TBC1D2: variants seen among roughly 807,000 people sequenced by gnomAD.
TBC1D2 encodes the protein TBC1 domain family member 2.
A neutral mutation model predicts 91.1 loss-of-function variants in TBC1D2; 58 were observed. The ratio of observed to expected loss-of-function variants is 0.64; its 90% CI spans 0.52 to 0.79. The LOEUF (loss-of-function observed/expected upper bound fraction) is 0.79. TBC1D2 is among the 30% of genes least tolerant of loss of function. The probability of loss-of-function intolerance (pLI) is 0.00; values close to 1 mark genes in which losing one functional copy is unlikely to be tolerated. For missense variants in TBC1D2, 1,080 were observed against 1,208.3 expected (o/e 0.89, Z 1.57); for synonymous variants, 482 against 511.5 (o/e 0.94, Z 0.78).
intron 4 of TBC1D2, among the ~76,000 whole-genome samples, chr9:98,231,351 A>C (rs1441108121): frequency 1.4e-5 from 1 of 73,842 alleles, no homozygotes; most frequent in Non-Finnish European, 2.7e-5. Flanking sequence ...GGTGTTTTTT[A>C]TTAGTGTTCA....
At chr9:98,244,547 T>C (rs1829721705) in intron 2 of TBC1D2, among the ~76,000 whole-genome samples, 1 of 150,910 alleles carries the variant, frequency 6.6e-6, no homozygotes, top group Admixed American at 6.7e-5. Context: ...CAATCCCAGC[T>C]ACTCAGGAGG....
intron 3 of TBC1D2, among the ~76,000 whole-genome samples, chr9:98,243,705 T>C (rs1352831692): frequency 6.6e-6 from 1 of 152,030 alleles, no homozygotes; most frequent in Non-Finnish European, 1.5e-5. Context: ...CCCGGCTAAT[T>C]ACTGTATTTT....
chr9:98,241,947 T>C lies in TBC1D2; in HGVS notation c.647+2047A>G, dbSNP rs535301347. Among the ~76,000 whole-genome samples the C allele has an allele frequency of 2.0e-5, 3 of 152,236 alleles. No individual in the cohort carries two copies. In the East Asian group the frequency reaches 5.8e-4, roughly 29 times the overall value. ...GCCAGCAGACCCCAAAGAACACTCA[T>C]TGTCTTTTCCCTAAAACCTGATTCT... On this transcript the variant is annotated intron_variant, in intron 3 of 12. Coordinates refer to ENST00000465784, the MANE Select transcript of TBC1D2 (RefSeq NM_001267571.2).
At position 98,247,724 on chromosome 9, in the gene TBC1D2, G is replaced by A. The variant is rs952930550; in HGVS notation, c.512-3595C>T. 8.3e-4 allele frequency among the ~76,000 whole-genome samples: 66 copies of A among 79,056 alleles called. 1 individual carries two copies. In the East Asian group the frequency reaches 0.013, roughly 15 times the overall value. The allele number at this position is 79,056 out of a possible 152,430, so 51.9% of individuals were successfully genotyped here. ...AGCCTGGGTGACAGAGCGAGACTCC[G>A]TCTCAAAAAAAAAAAAAAAAAAAAA... On this transcript the variant is annotated intron_variant, in intron 2 of 12. Coordinates refer to ENST00000465784, the MANE Select transcript of TBC1D2 (RefSeq NM_001267571.2).
intron 2 of TBC1D2, among the ~76,000 whole-genome samples, chr9:98,245,362 G>C (rs1041592456): frequency 2.0e-5 from 3 of 152,064 alleles, no homozygotes; most frequent in Non-Finnish European, 4.4e-5. Context: ...TGAGCTGAAA[G>C]TTTGAGACCA....
At chr9:98,239,121 T>C (rs1019593272) in intron 3 of TBC1D2, among the ~76,000 whole-genome samples, 3 of 152,154 alleles carry the variant, frequency 2.0e-5, no homozygotes, top group Non-Finnish European at 2.9e-5. Flanking sequence ...TGTGGTGGCA[T>C]GCTCATAGCT....
At chr9:98,231,136 A>G (rs1376445528) in intron 4 of TBC1D2, among the ~76,000 whole-genome samples, 1 of 152,160 alleles carries the variant, frequency 6.6e-6, no homozygotes, top group Non-Finnish European at 1.5e-5. Context: ...CCAGTTTATA[A>G]TTAGAGAAAA....
chr9:98,208,815 C>T lies in TBC1D2; in HGVS notation c.2003G>A (p.Arg668His), dbSNP rs141969107. 2.9e-4 allele frequency: 461 copies of T among 1,603,278 alleles called. 1 individual carries two copies. The African/African-American group carries it at 5.3e-3, about 18-fold the overall frequency. Residue 668 changes from arginine to histidine, a missense_variant, in exon 9 of 13, where the codon CGC (arginine) becomes CAC (histidine). Physicochemically the swap from Arg to His is conservative, Grantham distance 29. Transcript: ENST00000465784. ...CCGGTTCAGGTCCAGCTCAATCTGGCGGGCAGCAGGGTGCTCGCGGGCCTG... is the reference window on the plus strand; with the variant it reads ...CCGGTTCAGGTCCAGCTCAATCTGGTGGGCAGCAGGGTGCTCGCGGGCCTG... Reference protein sequence around the residue: ...RGQAREHPAARQIELDLNRTF... With the variant: ...RGQAREHPAAHQIELDLNRTF...
chr9:98,220,440 G>C (rs1329142546), intron 6 of TBC1D2, among the ~76,000 whole-genome samples: 1 of 152,200 alleles, frequency 6.6e-6, no homozygotes, highest in African/African-American at 2.4e-5. Flanking sequence ...AGGACTGTGG[G>C]GGGAGGGTCG....
intron 8 of TBC1D2, among the ~76,000 whole-genome samples, chr9:98,209,743 TTTCC>T (rs1354591267): frequency 3.3e-5 from 4 of 120,292 alleles, no homozygotes; most frequent in Non-Finnish European, 5.4e-5. Context: ...CCTTCTTTCC[TTTCC>T]TTCCTTCCTT....
At chr9:98,251,068 C>T (rs762625567) in intron 2 of TBC1D2, among the ~76,000 whole-genome samples, 12 of 152,112 alleles carry the variant, frequency 7.9e-5, no homozygotes, top group Admixed American at 2.6e-4. Context: ...GGGTAGATCA[C>T]GAGGTCAGGA....
intron 6 of TBC1D2, 186 bp from the exon 7 acceptor site, chr9:98,213,404 A>C (rs1828898270): frequency 7.1e-7 from 1 of 1,408,370 alleles, no homozygotes; most frequent in Non-Finnish European, 9.2e-7. Flanking sequence ...TGATGTCAGC[A>C]TGATGTGGTA....
chr9:98,226,437 C>T (rs1178896356), intron 5 of TBC1D2, among the ~76,000 whole-genome samples: 2 of 152,166 alleles, frequency 1.3e-5, no homozygotes, highest in Non-Finnish European at 2.9e-5. Flanking sequence ...CTGCTGGGTG[C>T]CAGGTACTGG....
chr9:98,223,511 G>A (rs1364603013), intron 5 of TBC1D2, among the ~76,000 whole-genome samples: 1 of 152,230 alleles, frequency 6.6e-6, no homozygotes, highest in Non-Finnish European at 1.5e-5. Flanking sequence ...TGGGGGCCTA[G>A]GCCATTTTCT....
At chr9:98,216,396 A>T (rs890709158) in intron 6 of TBC1D2, among the ~76,000 whole-genome samples, 3 of 151,714 alleles carry the variant, frequency 2.0e-5, no homozygotes, top group African/African-American at 7.3e-5. Flanking sequence ...GGAGGAAAGG[A>T]CCTACCATGA....
chr9:98,206,779 C>T (rs1238364684), intron 9 of TBC1D2, among the ~76,000 whole-genome samples: 1 of 152,208 alleles, frequency 6.6e-6, no homozygotes, highest in Non-Finnish European at 1.5e-5. Flanking sequence ...GGCATGGTGG[C>T]ACCAGTGAAG....
intron 10 of TBC1D2, among the ~76,000 whole-genome samples, 179 bp downstream of exon 10, chr9:98,203,109 C>T (rs900139527): frequency 1.3e-5 from 2 of 152,248 alleles, no homozygotes; most frequent in Admixed American, 6.5e-5. Context: ...TAATAATCCC[C>T]GATTGAAGCT....
At chr9:98,206,027 T>C (rs1828645073) in intron 9 of TBC1D2, among the ~76,000 whole-genome samples, 1 of 152,148 alleles carries the variant, frequency 6.6e-6, no homozygotes, top group African/African-American at 2.4e-5. Context: ...TCTTGCTCTG[T>C]CACCAGGCTG....
At position 98,239,335 on chromosome 9, in the gene TBC1D2, G is replaced by T. The variant is rs141450334; in HGVS notation, c.647+4659C>A. Among the ~76,000 whole-genome samples, 43 of 152,324 alleles carry T rather than the reference G, an allele frequency of 2.8e-4. No individual in the cohort carries two copies. The East Asian group carries it at 8.3e-3, about 29-fold the overall frequency. ...CCCCAAGTTCCGGGTTTACAGGCAAGATCCACTGCGCCTGGCCCTTTCCAG... is the reference window on the plus strand; with the variant it reads ...CCCCAAGTTCCGGGTTTACAGGCAATATCCACTGCGCCTGGCCCTTTCCAG... On this transcript the variant is annotated intron_variant, in intron 3 of 12. Transcript: ENST00000465784.
Sources: allele counts gnomAD v4.1 joint callset (sites outside exome capture counted in the v4.1 genomes callset), GRCh38; gene constraint gnomAD v4.1.1; transcripts MANE v1.5; gene names NCBI Gene and HGNC (gene_info 2026-07-23, HGNC 2026-07-21).